Variants in JARID2 observed in about 807,000 individuals in gnomAD.
The protein encoded by JARID2 is jumonji and AT-rich interaction domain containing 2.
In JARID2, 21 loss-of-function variants were observed where a neutral mutation model predicts 125.6. The ratio of observed to expected loss-of-function variants is 0.17; its 90% CI spans 0.12 to 0.24. The LOEUF is 0.24. JARID2 is among the 10% of genes least tolerant of loss of function. JARID2 has a pLI of 1.00. For synonymous variants in JARID2, 736 were observed against 661.6 expected (o/e 1.11, Z -1.73); for missense variants, 1,303 against 1,639.6 (o/e 0.79, Z 3.55).
chr6:15,344,452 C>T (rs1473809031), intron 1 of JARID2, among the ~76,000 whole-genome samples: 1 of 151,436 alleles, frequency 6.6e-6, no homozygotes, highest in African/African-American at 2.4e-5. Context: ...AGTCTGAGCT[C>T]TCTGGTTTAA....
At chr6:15,247,650 TGTG>T (rs966660378) in intron 1 of JARID2, 8 of 985,176 alleles carry the variant, frequency 8.1e-6, no homozygotes, top group African/African-American at 1.7e-5. Context: ...TTTTGATCAT[TGTG>T]GTGTGTGTAA....
At chr6:15,434,693 A>G (rs1767127263) in intron 3 of JARID2, among the ~76,000 whole-genome samples, 1 of 152,162 alleles carries the variant, frequency 6.6e-6, no homozygotes, top group African/African-American at 2.4e-5. Context: ...GCCTAATCCT[A>G]CTCAAGTCAC....
intron 3 of JARID2, among the ~76,000 whole-genome samples, chr6:15,432,107 A>G (rs1488252321): frequency 6.6e-6 from 1 of 151,982 alleles, no homozygotes; most frequent in African/African-American, 2.4e-5. Flanking sequence ...CAATGAAAAA[A>G]AAAAAACACA....
Position 15,449,736 on chromosome 6 carries a change from A to G in JARID2, c.324-2270A>G, listed in dbSNP as rs1196868739. On this transcript the variant is annotated intron_variant, in intron 3 of 17. Coordinates refer to ENST00000341776, the MANE Select transcript of JARID2 (RefSeq NM_004973.4). ...CATTGTTTGTAGATTTTTTTTAAGGACTATAGATTACCCACTAAGTAGTTG... is the reference window on the plus strand; with the variant it reads ...CATTGTTTGTAGATTTTTTTTAAGGGCTATAGATTACCCACTAAGTAGTTG... Among the ~76,000 whole-genome samples, 9 of 151,694 alleles carry G rather than the reference A, an allele frequency of 5.9e-5. No individual in the cohort carries two copies. The East Asian group carries it at 1.7e-3, about 29-fold the overall frequency.
intron 3 of JARID2, among the ~76,000 whole-genome samples, chr6:15,446,828 A>C (rs1223364281): frequency 1.3e-5 from 2 of 152,198 alleles, no homozygotes; most frequent in African/African-American, 4.8e-5. Context: ...CTGTGCTCAC[A>C]AGGCTTTGCC....
At chr6:15,450,763 A>G (rs370498235) in intron 3 of JARID2, among the ~76,000 whole-genome samples, 1 of 152,230 alleles carries the variant, frequency 6.6e-6, no homozygotes, top group Non-Finnish European at 1.5e-5. Context: ...TTGACGATAC[A>G]TATCAAGTTG....
intron 1 of JARID2, among the ~76,000 whole-genome samples, chr6:15,366,127 A>G (rs1763963970): frequency 6.6e-6 from 1 of 152,098 alleles, no homozygotes; most frequent in Non-Finnish European, 1.5e-5. Context: ...TTTTCTCTCA[A>G]AGTGTTGCTG....
Position 15,512,369 on chromosome 6 carries a change from T to C in JARID2, c.3114T>C (p.Ser1038=), listed in dbSNP as rs1771319302. Reference sequence around the variant, plus strand: ...ACTTTGCTACCACCCAGTGGACAAGTATGGGCTTTGAGACCGCCAAGGTGA... The same window carrying C: ...ACTTTGCTACCACCCAGTGGACAAGCATGGGCTTTGAGACCGCCAAGGTGA... ...TVHFATTQWT[S]MGFETAKEMK... is the part of the protein sequence containing the mutation. The change falls in exon 14 of 18, where the codon AGT becomes AGC. Residue 1038 remains serine, a synonymous_variant. Coordinates refer to ENST00000341776, the MANE Select transcript of JARID2 (RefSeq NM_004973.4). The C allele has an allele frequency of 1.2e-6, 2 of 1,614,204 alleles. No homozygotes were observed. The highest frequency in any genetic ancestry group is 4.5e-5 in the East Asian group (2 of 44,878).
At position 15,496,808 on chromosome 6, in the gene JARID2, C is replaced by T. The variant is rs1210803593; in HGVS notation, c.1583C>T (p.Ser528Leu). Residue 528 changes from serine to leucine, a missense_variant, in exon 7 of 18, where the codon TCG becomes TTG. By Grantham distance (145) the Ser-to-Leu change is moderately radical. Coordinates refer to ENST00000341776, the MANE Select transcript of JARID2 (RefSeq NM_004973.4). ...GCCTCCTGTGAAAATCGTTCTACCTCGCAACCGGAGTCCGTGCACAAGCCG... is the reference window on the plus strand; with the variant it reads ...GCCTCCTGTGAAAATCGTTCTACCTTGCAACCGGAGTCCGTGCACAAGCCG... The part of the protein sequence containing the change: ...DSASCENRST[S>L]QPESVHKPQD... 2 of 1,606,716 alleles carry T rather than the reference C, an allele frequency of 1.2e-6. No homozygotes were observed. Among genetic ancestry groups the T allele is most frequent in the East Asian group, 2.2e-5 (1 of 44,802 alleles).
chr6:15,415,303 A>C (rs1001241205), intron 3 of JARID2, among the ~76,000 whole-genome samples: 1 of 152,158 alleles, frequency 6.6e-6, no homozygotes, highest in Non-Finnish European at 1.5e-5. Context: ...CATTGTCATC[A>C]TGGCCCGTTC....
chr6:15,403,448 GTTCTGCTT>G, intron 2 of JARID2, among the ~76,000 whole-genome samples: 1 of 152,086 alleles, frequency 6.6e-6, no homozygotes, highest in African/African-American at 2.4e-5. Flanking sequence ...TAGTAGCAGT[GTTCTGCTT>G]ACCTCTTCCT....
chr6:15,372,051 G>A (rs751592190), intron 1 of JARID2, among the ~76,000 whole-genome samples: 26 of 152,190 alleles, frequency 1.7e-4, no homozygotes, highest in Admixed American at 3.3e-4. Flanking sequence ...GAAGCTTAAC[G>A]AAAGTGCAGC....
intron 17 of JARID2, 125 bp from the exon 18 acceptor site, chr6:15,519,944 C>G (rs1005727930): frequency 1.6e-6 from 1 of 619,740 alleles, no homozygotes; most frequent in Non-Finnish European, 2.7e-6. Context: ...ATTTTAAAAC[C>G]TGTTGGTTGG....
chr6:15,288,959 A>G (rs1415388337), intron 1 of JARID2, among the ~76,000 whole-genome samples: 2 of 152,138 alleles, frequency 1.3e-5, no homozygotes, highest in African/African-American at 2.4e-5. Flanking sequence ...TGAGCAGTGG[A>G]TAGTGGAGCT....
chr6:15,366,365 T>C (rs2127501949), intron 1 of JARID2, among the ~76,000 whole-genome samples: 2 of 152,102 alleles, frequency 1.3e-5, no homozygotes, highest in Non-Finnish European at 2.9e-5. Flanking sequence ...GTTGTTCAGA[T>C]CCACCATCCT....
At chr6:15,336,103 G>A (rs535450516) in intron 1 of JARID2, among the ~76,000 whole-genome samples, 1 of 150,330 alleles carries the variant, frequency 6.7e-6, no homozygotes, top group African/African-American at 2.4e-5. Context: ...ATGAATGAAT[G>A]AATGAATGAA....
chr6:15,491,823 TA>T (rs1213705918), intron 6 of JARID2, among the ~76,000 whole-genome samples: 1 of 152,202 alleles, frequency 6.6e-6, no homozygotes, highest in Non-Finnish European at 1.5e-5. Flanking sequence ...TTTATATTCT[TA>T]AAGCAAGCAC....
At chr6:15,303,101 C>A (rs1761693514) in intron 1 of JARID2, among the ~76,000 whole-genome samples, 1 of 152,118 alleles carries the variant, frequency 6.6e-6, no homozygotes, top group African/African-American at 2.4e-5. Context: ...GAAGTTATGC[C>A]AGGAATTATA....
intron 1 of JARID2, among the ~76,000 whole-genome samples, chr6:15,356,063 T>C (rs1026435994): frequency 6.6e-6 from 1 of 152,246 alleles, no homozygotes; most frequent in African/African-American, 2.4e-5. Context: ...TTCGTAGCAA[T>C]GGAATCCTGC....
Sources: gnomAD v4.1 joint callset for allele counts (sites outside exome capture counted in the v4.1 genomes callset) on GRCh38, gnomAD v4.1.1 for gene constraint, MANE v1.5 for transcripts, NCBI Gene and HGNC (gene_info 2026-07-23, HGNC 2026-07-21) for gene names.